The following TRMT9B variants were observed in gnomAD, a reference collection of about 807,000 sequenced individuals.
The protein encoded by TRMT9B is tRNA methyltransferase 9B (putative).
TRMT9B carries 16 observed loss-of-function variants against 11.5 expected under a neutral mutation model. The observed-to-expected ratio is 1.39, with a 90% CI of 0.94 to 2.11. TRMT9B has a LOEUF of 2.11. Among genes scored for constraint, TRMT9B ranks in the 30% most tolerant of loss-of-function variants. The pLI is 0.00. For synonymous variants in TRMT9B, 274 were observed against 192.4 expected, an observed-to-expected ratio of 1.42 and a Z score of -3.51; for missense variants, 941 against 553.8, an observed-to-expected ratio of 1.70 and a Z score of -7.02.
In TRMT9B at chr8:13,029,073, AC is replaced by A. The variant is rs1815061721; in HGVS notation, c.*7030del. On this transcript the variant is annotated 3_prime_UTR_variant, in exon 5 of 5. Coordinates refer to ENST00000524591, the MANE Select transcript of TRMT9B (RefSeq NM_020844.3). ...AACACACATATATATATATTCCTAG[AC>A]ATCTAGTGTTTGCTGTCATTAGTGA... 6.0e-6 allele frequency: 1 copy of A among 166,918 alleles called. No homozygotes were observed. Among genetic ancestry groups the A allele is most frequent in the Admixed American group, 6.5e-5 (1 of 15,268 alleles). 10.3% of individuals were successfully genotyped at this position (166,918 alleles called of 1,614,324 possible). A position where few individuals can be genotyped will look rare whatever the true frequency, so the allele number is the denominator to read the frequency against.
intron 4 of TRMT9B, among the ~76,000 whole-genome samples, chr8:13,017,604 C>A (rs1198975291): frequency 2.3e-5 from 3 of 131,038 alleles, no homozygotes; most frequent in South Asian, 2.5e-4. Context: ...ATGAAGTAAT[C>A]ATTTGTAGGC....
chr8:13,007,433 A>AT (rs1210072321), intron 3 of TRMT9B: 1 of 152,212 alleles, frequency 6.6e-6, no homozygotes, highest in African/African-American at 2.4e-5. Context: ...CGTTCTAGCA[A>AT]TTGCATGCTG....
intron 1 of TRMT9B, among the ~76,000 whole-genome samples, chr8:12,956,138 G>T (rs1801276674): frequency 1.3e-5 from 2 of 152,338 alleles, no homozygotes; most frequent in South Asian, 4.1e-4. Context: ...AGCTGCAAGG[G>T]ACTCTGGGAA....
At chr8:12,952,992 CCT>C (rs887565303) in intron 1 of TRMT9B, among the ~76,000 whole-genome samples, 38 of 152,130 alleles carry the variant, frequency 2.5e-4, no homozygotes, top group African/African-American at 9.2e-4. Flanking sequence ...CCTGCCTCGG[CCT>C]CCCAAAGTGC....
At position 13,027,653 on chromosome 8, in the gene TRMT9B, C is replaced by T. The variant is rs1053628448; in HGVS notation, c.*5609C>T. ...ATAATGACAAGTAATTCCCACATTC[C>T]CTAGATATATACTTGGATTTCAAAT... On this transcript the variant is annotated 3_prime_UTR_variant, in exon 5 of 5. Coordinates refer to ENST00000524591, the MANE Select transcript of TRMT9B (RefSeq NM_020844.3). 1.2e-5 allele frequency: 2 copies of T among 166,966 alleles called. No homozygotes were observed. The highest frequency in any genetic ancestry group is 4.8e-5 in the African/African-American group (2 of 41,404). The allele number at this position is 166,966 out of a possible 1,614,324, so 10.3% of individuals were successfully genotyped here. A position where few individuals can be genotyped will look rare whatever the true frequency, so the allele number is the denominator to read the frequency against.
intron 1 of TRMT9B, among the ~76,000 whole-genome samples, chr8:12,950,601 G>A (rs7824233): frequency 0.13 from 20,000 of 150,482 alleles, 2,885 homozygotes; most frequent in African/African-American, 0.36. Flanking sequence ...GAAAATGTCA[G>A]TCTGATTATC....
intron 1 of TRMT9B, among the ~76,000 whole-genome samples, chr8:12,980,189 G>C (rs539002915): frequency 6.6e-6 from 1 of 152,088 alleles, no homozygotes; most frequent in Non-Finnish European, 1.5e-5. Context: ...AGCGGGGCCT[G>C]CTCCCTTTGA....
chr8:12,989,752 T>A (rs1807000107), intron 1 of TRMT9B, among the ~76,000 whole-genome samples: 1 of 152,232 alleles, frequency 6.6e-6, no homozygotes, highest in Admixed American at 6.5e-5. Flanking sequence ...GCAAACATCA[T>A]CTCTCTTATA....
At chr8:13,009,291 T>A (rs1028925094) in intron 3 of TRMT9B, among the ~76,000 whole-genome samples, 1 of 151,724 alleles carries the variant, frequency 6.6e-6, no homozygotes, top group African/African-American at 2.4e-5. Context: ...GGTAAGACGT[T>A]GGTTAAAAGG....
chr8:12,998,003 G>A (rs572139945), intron 2 of TRMT9B, among the ~76,000 whole-genome samples: 1 of 152,172 alleles, frequency 6.6e-6, no homozygotes, highest in Non-Finnish European at 1.5e-5. Context: ...TACTAGTGAA[G>A]TTAAGCCCCT....
intron 4 of TRMT9B, among the ~76,000 whole-genome samples, chr8:13,016,787 C>T (rs1216471305): frequency 2.0e-5 from 3 of 150,378 alleles, no homozygotes; most frequent in Non-Finnish European, 4.4e-5. Flanking sequence ...TGAGCAATGT[C>T]TGGAGACATT....
chr8:12,966,435 G>A (rs10105623), intron 1 of TRMT9B, among the ~76,000 whole-genome samples: 70,816 of 151,894 alleles, frequency 0.47, 17,323 homozygotes, highest in Middle Eastern at 0.62. Flanking sequence ...AAGATGTGTT[G>A]TTTACAAGCT....
At chr8:12,959,013 A>G (rs1801685932) in intron 1 of TRMT9B, among the ~76,000 whole-genome samples, 1 of 152,204 alleles carries the variant, frequency 6.6e-6, no homozygotes, top group Non-Finnish European at 1.5e-5. Context: ...TGATGGGTGC[A>G]GCAAACCAAC....
At chr8:13,012,577 A>G in intron 3 of TRMT9B, 107 bp from the exon 4 acceptor site, 1 of 1,251,760 alleles carries the variant, frequency 8.0e-7, no homozygotes, top group African/African-American at 1.5e-5. Flanking sequence ...TCTGTCTCAA[A>G]ATAAATAAAT....
chr8:13,013,003 G>C, intron 4 of TRMT9B, 146 bp downstream of exon 4: 1 of 1,016,270 alleles, frequency 9.8e-7, no homozygotes, highest in South Asian at 2.4e-5. Context: ...TCAACTACTT[G>C]ACTGATTTGA....
intron 2 of TRMT9B, among the ~76,000 whole-genome samples, chr8:13,005,201 C>T (rs1319621174): frequency 6.6e-6 from 1 of 152,076 alleles, no homozygotes; most frequent in Admixed American, 6.5e-5. Context: ...AGACAGGCTT[C>T]ATATGTTCTC....
intron 1 of TRMT9B, among the ~76,000 whole-genome samples, chr8:12,984,052 T>G (rs558059295): frequency 1.3e-5 from 2 of 152,226 alleles, no homozygotes; most frequent in African/African-American, 4.8e-5. Context: ...CAACCGCAGA[T>G]TGTCCACATG....
At chr8:12,966,136 G>C (rs1307460594) in intron 1 of TRMT9B, among the ~76,000 whole-genome samples, 1 of 135,340 alleles carries the variant, frequency 7.4e-6, no homozygotes, top group Non-Finnish European at 1.7e-5. Context: ...GACCAGCCTG[G>C]GCAACATAGT....
intron 4 of TRMT9B, among the ~76,000 whole-genome samples, chr8:13,017,240 C>T (rs1812896250): frequency 6.6e-6 from 1 of 152,290 alleles, no homozygotes; most frequent in Admixed American, 6.5e-5. Flanking sequence ...GAGGCATGTA[C>T]ACTTGAAAAG....
Sources: allele counts gnomAD v4.1 joint callset (sites outside exome capture counted in the v4.1 genomes callset), GRCh38; gene constraint gnomAD v4.1.1; transcripts MANE v1.5; gene names NCBI Gene and HGNC (gene_info 2026-07-23, HGNC 2026-07-21).